The following FSTL5 variants were observed in gnomAD, a reference collection of about 807,000 sequenced individuals.
FSTL5 encodes the protein follistatin-related protein 5.
Under a neutral mutation model 89.1 loss-of-function variants are expected in FSTL5, and 62 were observed. The ratio of observed to expected loss-of-function variants is 0.70; its 90% CI spans 0.57 to 0.86. FSTL5 has a LOEUF of 0.86. FSTL5 is among the 40% of genes least tolerant of loss of function. FSTL5 has a pLI of 0.00. For synonymous variants in FSTL5, 383 were observed against 346.2 expected (o/e 1.11, Z -1.18); for missense variants, 1,057 against 1,001.6 (o/e 1.06, Z -0.75).
chr4:162,134,557 G>T (rs147366615), intron 1 of FSTL5, among the ~76,000 whole-genome samples: 1 of 152,048 alleles, frequency 6.6e-6, no homozygotes, highest in African/African-American at 2.4e-5. Context: ...GGTTTCCAAG[G>T]TATATTTTTT....
chr4:161,400,100 G>T (rs1578944494), intron 15 of FSTL5, among the ~76,000 whole-genome samples: 1 of 151,610 alleles, frequency 6.6e-6, no homozygotes, highest in African/African-American at 2.4e-5. Context: ...TAGACTACAC[G>T]GTTGTTCTGA....
chr4:161,638,127 T>C (rs1429619347), intron 7 of FSTL5, among the ~76,000 whole-genome samples: 17 of 151,156 alleles, frequency 1.1e-4, no homozygotes, highest in Admixed American at 1.1e-3. Flanking sequence ...GTTTGTATCC[T>C]CTTTTATTTC....
rs1430786865 is a variant in FSTL5 at position 161,621,631 on chromosome 4, A to T, written c.895-34056T>A. On this transcript the variant is annotated intron_variant, in intron 7 of 15. Transcript: ENST00000306100. ...AATTTATTTACTTGAAAAGATTGTT[A>T]AAATTGATAAACTCCCCTAAGATTC... Among the ~76,000 whole-genome samples the T allele has an allele frequency of 2.0e-5, 3 of 152,222 alleles. No homozygotes were observed. The East Asian group carries it at 5.8e-4, about 29-fold the overall frequency.
intron 15 of FSTL5, among the ~76,000 whole-genome samples, chr4:161,449,747 T>A (rs1458274900): frequency 6.6e-6 from 1 of 152,098 alleles, no homozygotes; most frequent in Non-Finnish European, 1.5e-5. Flanking sequence ...TTTTTTTTCA[T>A]CAAATGGCAC....
At chr4:161,621,037 T>C (rs1022584789) in intron 7 of FSTL5, among the ~76,000 whole-genome samples, 21 of 152,106 alleles carry the variant, frequency 1.4e-4, no homozygotes, top group Non-Finnish European at 2.9e-4. Flanking sequence ...AATGACACTC[T>C]TAACCAGTTT....
rs1381458238 is a variant in FSTL5, at chr4:161,593,774, AG to A, written c.895-6200del. On this transcript the variant is annotated intron_variant, in intron 7 of 15. Coordinates refer to ENST00000306100, the MANE Select transcript of FSTL5 (RefSeq NM_020116.5). ...TGGTGCCACTCTCACTGATTTAATGAGGGAAAGCCTTATGAGCTACACAATA... is the reference window on the plus strand; with the variant it reads ...TGGTGCCACTCTCACTGATTTAATGAGGAAAGCCTTATGAGCTACACAATA... 6.6e-5 allele frequency among the ~76,000 whole-genome samples: 10 copies of A among 152,212 alleles called. No individual in the cohort carries two copies. The South Asian group carries it at 2.1e-3, about 32-fold the overall frequency.
At chr4:162,096,320 T>C (rs1156921016) in intron 2 of FSTL5, among the ~76,000 whole-genome samples, 1 of 151,740 alleles carries the variant, frequency 6.6e-6, no homozygotes, top group Non-Finnish European at 1.5e-5. Flanking sequence ...AGACCAATCA[T>C]CCAAGAATTT....
chr4:161,526,578 A>G (rs1011609329), intron 10 of FSTL5, among the ~76,000 whole-genome samples: 2 of 152,178 alleles, frequency 1.3e-5, no homozygotes, highest in Non-Finnish European at 2.9e-5. Flanking sequence ...TTATGGTTTT[A>G]GGTCTAACGT....
chr4:161,466,997 T>C (rs1733769115), intron 13 of FSTL5, among the ~76,000 whole-genome samples: 1 of 150,266 alleles, frequency 6.7e-6, no homozygotes, highest in Admixed American at 6.6e-5. Flanking sequence ...GTCCACACAG[T>C]CAAAAACATG....
chr4:162,000,657 A>G (rs1461447980), intron 3 of FSTL5, among the ~76,000 whole-genome samples: 1 of 152,018 alleles, frequency 6.6e-6, no homozygotes, highest in Non-Finnish European at 1.5e-5. Flanking sequence ...TGATAAAACT[A>G]AGGTTAAAAG....
intron 7 of FSTL5, among the ~76,000 whole-genome samples, chr4:161,629,421 C>A (rs1054049390): frequency 6.6e-6 from 1 of 152,074 alleles, no homozygotes; most frequent in East Asian, 1.9e-4. Flanking sequence ...CGGTTCACTG[C>A]AACCTCTGCC....
chr4:161,564,609 T>G (rs1294417399), intron 8 of FSTL5, among the ~76,000 whole-genome samples: 2 of 151,592 alleles, frequency 1.3e-5, no homozygotes, highest in Non-Finnish European at 3.0e-5. Flanking sequence ...CTGTAAATAT[T>G]CACTTTCAAA....
At chr4:161,734,442 C>T (rs184889313) in intron 6 of FSTL5, among the ~76,000 whole-genome samples, 3 of 152,178 alleles carry the variant, frequency 2.0e-5, no homozygotes, top group Non-Finnish European at 4.4e-5. Flanking sequence ...GACACTAATG[C>T]CTTCTGAAGC....
At chr4:162,129,774 TTAAA>T (rs1308318396) in intron 1 of FSTL5, among the ~76,000 whole-genome samples, 2 of 152,202 alleles carry the variant, frequency 1.3e-5, no homozygotes, top group African/African-American at 4.8e-5. Context: ...GATGCTAAAT[TTAAA>T]TAAGTAATCA....
intron 4 of FSTL5, among the ~76,000 whole-genome samples, chr4:161,844,056 G>T (rs1731292609): frequency 1.3e-5 from 2 of 151,938 alleles, no homozygotes; most frequent in African/African-American, 4.8e-5. Context: ...TCTGGCAAAG[G>T]GCTAATATCC....
chr4:161,740,510 T>C (rs1328329509), intron 6 of FSTL5, among the ~76,000 whole-genome samples: 1 of 152,060 alleles, frequency 6.6e-6, no homozygotes, highest in Non-Finnish European at 1.5e-5. Context: ...ACATGATTCT[T>C]CAAGAACTAA....
chr4:161,884,074 G>A (rs1024487708), intron 4 of FSTL5, among the ~76,000 whole-genome samples: 2 of 136,258 alleles, frequency 1.5e-5, no homozygotes, highest in Non-Finnish European at 3.2e-5. Flanking sequence ...TTTTTGAGAC[G>A]GAGTCTTGCT....
chr4:162,118,281 G>GAC (rs1731724004), intron 1 of FSTL5, among the ~76,000 whole-genome samples: 1 of 133,158 alleles, frequency 7.5e-6, no homozygotes, highest in Non-Finnish European at 1.6e-5. Context: ...TTTTTTTTTT[G>GAC]ACGGAATCTC....
chr4:162,098,219 C>T (rs553760302), intron 2 of FSTL5, among the ~76,000 whole-genome samples: 127 of 151,880 alleles, frequency 8.4e-4, no homozygotes, highest in Non-Finnish European at 1.3e-3. Flanking sequence ...TTACATAAAT[C>T]TGCTATATGG....
Sources: allele counts gnomAD v4.1 joint callset (sites outside exome capture counted in the v4.1 genomes callset), GRCh38; gene constraint gnomAD v4.1.1; transcripts MANE v1.5; gene names NCBI Gene and HGNC (gene_info 2026-07-23, HGNC 2026-07-21).